Variants in LEKR1 observed in about 807,000 individuals in gnomAD.
The protein encoded by LEKR1 is leucine, glutamate and lysine rich 1.
Under a neutral mutation model 72.4 loss-of-function variants are expected in LEKR1, and 59 were observed. The ratio of observed to expected loss-of-function variants is 0.82; its 90% confidence interval spans 0.66 to 1.01. LEKR1 has a LOEUF of 1.01. Ranked by LOEUF, LEKR1 falls within the 50% of genes least tolerant of loss-of-function variation. LEKR1 has a pLI of 0.00. For missense variants in LEKR1, 728 were observed against 759.2 expected (o/e 0.96, Z 0.48); for synonymous variants, 257 against 263.2 (o/e 0.98, Z 0.23).
chr3:156,926,149 T>C (rs566876759), intron 4 of LEKR1, among the ~76,000 whole-genome samples: 11 of 152,138 alleles, frequency 7.2e-5, no homozygotes, highest in African/African-American at 4.8e-5. Context: ...GATTTAAGTT[T>C]TCACTGATTT....
At chr3:157,021,618 A>G (rs962682593) in intron 10 of LEKR1, among the ~76,000 whole-genome samples, 1 of 152,140 alleles carries the variant, frequency 6.6e-6, no homozygotes, top group Non-Finnish European at 1.5e-5. Flanking sequence ...TCACTGTCTT[A>G]ATTTGAGCAA....
intron 3 of LEKR1, among the ~76,000 whole-genome samples, chr3:156,892,841 A>G (rs1720800254): frequency 6.6e-6 from 1 of 152,206 alleles, no homozygotes. Flanking sequence ...TGAGACTCTG[A>G]GAGGAGTGAA....
At position 156,863,601 on chromosome 3, in the gene LEKR1, G is replaced by T. The variant is rs899201208; in HGVS notation, c.263+10619G>T. On this transcript the variant is annotated intron_variant, in intron 3 of 12. Transcript: ENST00000356539. ...AACTGGGAACAGCTTTCAAATTGGA[G>T]AAAAATGAATTAACTCATTGACTAA... Among the ~76,000 whole-genome samples, 12 of 152,166 alleles carry T rather than the reference G, an allele frequency of 7.9e-5. No homozygotes were observed. The South Asian group carries it at 2.5e-3, about 32-fold the overall frequency.
chr3:156,979,838 C>CT (rs1469763982), intron 7 of LEKR1: 1 of 152,200 alleles, frequency 6.6e-6, no homozygotes, highest in African/African-American at 2.4e-5. Context: ...CACGGAGAAA[C>CT]TTTGTCTCCA....
intron 3 of LEKR1, among the ~76,000 whole-genome samples, chr3:156,858,257 G>A (rs531926148): frequency 6.6e-6 from 1 of 152,300 alleles, no homozygotes; most frequent in African/African-American, 2.4e-5. Context: ...ACAAGAAAGA[G>A]AGTGAAGGAC....
At chr3:157,009,023 C>A (rs2108021195) in intron 9 of LEKR1, among the ~76,000 whole-genome samples, 1 of 152,132 alleles carries the variant, frequency 6.6e-6, no homozygotes, top group African/African-American at 2.4e-5. Context: ...GACTCATGAG[C>A]TATTCAAAAA....
chr3:156,937,599 A>G (rs9831523), intron 5 of LEKR1, among the ~76,000 whole-genome samples: 7,388 of 152,300 alleles, frequency 0.049, 654 homozygotes, highest in African/African-American at 0.17. Flanking sequence ...ATTCTAGAAA[A>G]TAATTTTGCA....
At chr3:156,838,900 G>A (rs896275916) in intron 2 of LEKR1, among the ~76,000 whole-genome samples, 1 of 152,132 alleles carries the variant, frequency 6.6e-6, no homozygotes, top group African/African-American at 2.4e-5. Context: ...CTGAGACCAA[G>A]CCATTGCAGT....
intron 3 of LEKR1, among the ~76,000 whole-genome samples, chr3:156,869,139 G>A (rs958696632): frequency 1.6e-4 from 24 of 152,062 alleles, no homozygotes; most frequent in African/African-American, 5.8e-4. Flanking sequence ...TTGCTATTAT[G>A]AGTAATTCTC....
intron 6 of LEKR1, among the ~76,000 whole-genome samples, chr3:156,968,894 A>G (rs1419498705): frequency 6.6e-6 from 1 of 152,212 alleles, no homozygotes; most frequent in East Asian, 1.9e-4. Flanking sequence ...CTCCTCAGCA[A>G]ATGTACAAGA....
At chr3:156,877,878 G>T (rs1718798990) in intron 3 of LEKR1, among the ~76,000 whole-genome samples, 1 of 152,160 alleles carries the variant, frequency 6.6e-6, no homozygotes, top group African/African-American at 2.4e-5. Context: ...CGCCTCCTGG[G>T]TTCAAGTGAT....
At chr3:156,940,724 T>C (rs1306466257) in intron 5 of LEKR1, among the ~76,000 whole-genome samples, 2 of 152,190 alleles carry the variant, frequency 1.3e-5, no homozygotes, top group Non-Finnish European at 2.9e-5. Context: ...TTAGAATATA[T>C]TTTACAAATA....
At chr3:156,922,071 T>C (rs1246098057) in intron 4 of LEKR1, among the ~76,000 whole-genome samples, 1 of 152,100 alleles carries the variant, frequency 6.6e-6, no homozygotes, top group Non-Finnish European at 1.5e-5. Context: ...CTGACTTACA[T>C]AAAAATAGTA....
chr3:157,039,479 C>T (rs1262660577), intron 12 of LEKR1, among the ~76,000 whole-genome samples: 20 of 151,924 alleles, frequency 1.3e-4, no homozygotes, highest in Admixed American at 1.3e-3. Context: ...ATTAGCTGGG[C>T]ATGGTGGCAC....
chr3:156,938,865 T>G (rs1725952701), intron 5 of LEKR1, among the ~76,000 whole-genome samples: 1 of 152,176 alleles, frequency 6.6e-6, no homozygotes, highest in African/African-American at 2.4e-5. Flanking sequence ...CCTAACATAA[T>G]TTTGAGTTCA....
intron 6 of LEKR1, among the ~76,000 whole-genome samples, chr3:156,956,289 T>C (rs752766202): frequency 6.6e-6 from 1 of 151,950 alleles, no homozygotes; most frequent in African/African-American, 2.4e-5. Flanking sequence ...ATCCCTCTAC[T>C]CCTTCAGCTT....
intron 4 of LEKR1, chr3:156,924,918 C>G (rs1057026618): frequency 6.4e-6 from 1 of 155,756 alleles, no homozygotes; most frequent in African/African-American, 2.4e-5. Flanking sequence ...ATTGTTTTTG[C>G]TATTCTGCGC....
intron 3 of LEKR1, among the ~76,000 whole-genome samples, chr3:156,904,052 G>A (rs1035975844): frequency 6.6e-6 from 1 of 152,172 alleles, no homozygotes; most frequent in African/African-American, 2.4e-5. Context: ...CACTGCATGA[G>A]AAAGACTATC....
chr3:156,961,137 A>G (rs1171535042), intron 6 of LEKR1, among the ~76,000 whole-genome samples: 1 of 152,230 alleles, frequency 6.6e-6, no homozygotes, highest in Non-Finnish European at 1.5e-5. Flanking sequence ...TTTCAAATTT[A>G]TTCCAAGTGA....
Sources: allele counts gnomAD v4.1 joint callset (sites outside exome capture counted in the v4.1 genomes callset), GRCh38; gene constraint gnomAD v4.1.1; transcripts MANE v1.5; gene names NCBI Gene and HGNC (gene_info 2026-07-23, HGNC 2026-07-21).